Variants in MAD1L1 observed in about 807,000 individuals in gnomAD.
The protein encoded by MAD1L1 is mitotic arrest deficient 1 like 1, also known as mitotic spindle assembly checkpoint protein MAD1.
MAD1L1 carries 95 observed loss-of-function variants against 96.9 expected under a neutral mutation model. That is an observed-to-expected ratio of 0.98 (90% confidence interval 0.83 to 1.16). The LOEUF is 1.16. MAD1L1 is among the 50% of genes most tolerant of loss of function. The probability of loss-of-function intolerance (pLI) is 0.00; values close to 1 mark genes in which losing one functional copy is unlikely to be tolerated. For synonymous variants in MAD1L1, 473 were observed against 396.6 expected (o/e 1.19, Z -2.29); for missense variants, 1,007 against 954.4 (o/e 1.06, Z -0.73).
chr7:1,839,411 G>A lies in MAD1L1; in HGVS notation c.1999-23183C>T, dbSNP rs544174080. Among the ~76,000 whole-genome samples, 175 of 152,094 alleles carry A rather than the reference G, an allele frequency of 1.2e-3. 1 individual carries two copies. The highest frequency in any genetic ancestry group is 4.2e-3 in the African/African-American group (173 of 41,512). ...AAGCATCCTGCCCACCCGGTGCCAT[G>A]GCCTGGGGAGTGCTTGGCTCTCAGG... On this transcript the variant is annotated intron_variant, in intron 18 of 18. Coordinates refer to ENST00000265854, the MANE Select transcript of MAD1L1 (RefSeq NM_001013836.2).
At chr7:2,177,156 TC>T (rs1445096109) in intron 10 of MAD1L1, among the ~76,000 whole-genome samples, 3 of 152,244 alleles carry the variant, frequency 2.0e-5, no homozygotes, top group Non-Finnish European at 4.4e-5. Flanking sequence ...TTTTTCTGTA[TC>T]CGAGTCCTTC....
chr7:1,950,424 G>C (rs1024566951), intron 16 of MAD1L1, among the ~76,000 whole-genome samples: 1 of 152,218 alleles, frequency 6.6e-6, no homozygotes, highest in Non-Finnish European at 1.5e-5. Context: ...AGCAGATGAA[G>C]GACTCTCAGC....
intron 18 of MAD1L1, among the ~76,000 whole-genome samples, chr7:1,874,916 C>T (rs1021129134): frequency 6.6e-6 from 1 of 152,246 alleles, no homozygotes; most frequent in East Asian, 1.9e-4. Flanking sequence ...GCCATAGGCA[C>T]CCTGCACCTG....
intron 12 of MAD1L1, among the ~76,000 whole-genome samples, chr7:2,053,779 G>A (rs983436317): frequency 4.6e-5 from 7 of 152,184 alleles, no homozygotes; most frequent in Admixed American, 1.3e-4. Context: ...CTGTGACCGA[G>A]CTCTCCAAGT....
chr7:2,221,294 A>C lies in MAD1L1; in HGVS notation c.471+1281T>G, dbSNP rs556557367. ...GGACAGCCCCCGGCCCAACTCCAGT[A>C]CAGCCCAGCACATGGGAACTGGAAC... On this transcript the variant is annotated intron_variant, in intron 5 of 18. Coordinates refer to ENST00000265854, the MANE Select transcript of MAD1L1 (RefSeq NM_001013836.2). Among the ~76,000 whole-genome samples, 162 of 152,224 alleles carry C rather than the reference A, an allele frequency of 1.1e-3. No homozygotes were observed. In the Middle Eastern group the frequency reaches 0.014, roughly 13 times the overall value.
At chr7:2,197,974 C>T (rs1442978007) in intron 10 of MAD1L1, among the ~76,000 whole-genome samples, 1 of 152,172 alleles carries the variant, frequency 6.6e-6, no homozygotes, top group African/African-American at 2.4e-5. Context: ...CAGGGCCCAT[C>T]AGCCCCTCCT....
At chr7:2,111,797 A>C (rs1558466) in intron 11 of MAD1L1, among the ~76,000 whole-genome samples, 91,504 of 151,902 alleles carry the variant, frequency 0.6, 28,251 homozygotes, top group South Asian at 0.72. Flanking sequence ...CTGCACACAC[A>C]GCAAACGCAC....
intron 11 of MAD1L1, among the ~76,000 whole-genome samples, chr7:2,111,795 A>ACCG (rs1787396039): frequency 1.3e-5 from 2 of 151,848 alleles, no homozygotes; most frequent in Non-Finnish European, 2.9e-5. Context: ...ACCTGCACAC[A>ACCG]CAGCAAACGC....
At chr7:2,025,935 C>A (rs545146455) in intron 12 of MAD1L1, among the ~76,000 whole-genome samples, 1 of 151,778 alleles carries the variant, frequency 6.6e-6, no homozygotes, top group African/African-American at 2.4e-5. Context: ...TCATAAAAAA[C>A]GAATAAAAAC....
intron 11 of MAD1L1, among the ~76,000 whole-genome samples, chr7:2,085,739 G>GC (rs1301649276): frequency 4.6e-5 from 7 of 152,198 alleles, no homozygotes; most frequent in Non-Finnish European, 7.4e-5. Flanking sequence ...ATTTGGGTTG[G>GC]CCCCATCTCT....
chr7:2,119,318 G>T lies in MAD1L1; in HGVS notation c.1073+29834C>A, dbSNP rs1315677960. Among the ~76,000 whole-genome samples the T allele has an allele frequency of 1.3e-5, 2 of 152,196 alleles. No individual in the cohort carries two copies. Among genetic ancestry groups the T allele is most frequent in the African/African-American group, 4.8e-5 (2 of 41,450 alleles). On this transcript the variant is annotated intron_variant, in intron 11 of 18. Coordinates refer to ENST00000265854, the MANE Select transcript of MAD1L1 (RefSeq NM_001013836.2). This position sits in a 1 kb window ranked among gnomAD's most constrained non-coding sequence, Gnocchi z 4.6. ...AGCTCCCAGGCCATGGCTCTCCGCA[G>T]CGCCTTCCCTATCGCATCTCCATCA...
At chr7:2,230,340 G>T in intron 2 of MAD1L1, 197 bp from the exon 3 acceptor site, 1 of 511,210 alleles carries the variant, frequency 2.0e-6, no homozygotes, top group Non-Finnish European at 3.5e-6. Flanking sequence ...TGGAAGCAAG[G>T]AAGCATGCCA....
chr7:1,894,319 G>T (rs187620721), intron 18 of MAD1L1, among the ~76,000 whole-genome samples: 13 of 152,292 alleles, frequency 8.5e-5, no homozygotes, highest in African/African-American at 2.9e-4. Context: ...CTTACAGGGA[G>T]CCTTTGAAAG....
intron 18 of MAD1L1, among the ~76,000 whole-genome samples, chr7:1,853,796 T>C (rs1784100715): frequency 6.6e-6 from 1 of 151,398 alleles, no homozygotes; most frequent in Non-Finnish European, 1.5e-5. Flanking sequence ...CTGCACCCCC[T>C]CCCAACCTAC....
intron 18 of MAD1L1, among the ~76,000 whole-genome samples, chr7:1,826,698 A>T (rs1423878340): frequency 6.6e-6 from 1 of 152,266 alleles, no homozygotes; most frequent in Non-Finnish European, 1.5e-5. Flanking sequence ...GACAGCTTGG[A>T]CAGAACGCCG....
At chr7:1,867,570 G>A (rs575517844) in intron 18 of MAD1L1, among the ~76,000 whole-genome samples, 116 of 152,242 alleles carry the variant, frequency 7.6e-4, no homozygotes, top group Non-Finnish European at 1.2e-3. Context: ...CATGGGGCGC[G>A]GAGGCTTCTG....
At chr7:2,079,845 C>T in intron 11 of MAD1L1, 1 of 437,262 alleles carries the variant, frequency 2.3e-6, no homozygotes, top group Non-Finnish European at 4.7e-6. Context: ...AGTCACCTCC[C>T]CAGGCTCTAC....
chr7:1,850,811 G>A (rs758783965), intron 18 of MAD1L1, among the ~76,000 whole-genome samples: 1 of 152,212 alleles, frequency 6.6e-6, no homozygotes, highest in South Asian at 2.1e-4. Context: ...CTGCAGGCCA[G>A]ACCGTGCACA....
At chr7:1,935,256 G>T (rs1001036111) in intron 17 of MAD1L1, among the ~76,000 whole-genome samples, 3 of 152,246 alleles carry the variant, frequency 2.0e-5, no homozygotes, top group African/African-American at 7.2e-5. Flanking sequence ...GCCACGGCTG[G>T]ACCAGAAAGG....
Sources: allele counts gnomAD v4.1 joint callset (sites outside exome capture counted in the v4.1 genomes callset), GRCh38; gene constraint gnomAD v4.1.1; non-coding constraint Gnocchi (gnomAD v3.1); transcripts MANE v1.5; gene names NCBI Gene and HGNC (gene_info 2026-07-23, HGNC 2026-07-21).